The following RICTOR variants were observed in gnomAD, a reference collection of about 807,000 sequenced individuals.
The protein encoded by RICTOR is RPTOR independent companion of MTOR complex 2, also known as rapamycin-insensitive companion of mTOR.
In RICTOR, 49 loss-of-function variants were observed where a neutral mutation model predicts 214.9. The observed-to-expected ratio is 0.23, with a 90% CI of 0.18 to 0.29. RICTOR has a LOEUF of 0.29. RICTOR is among the 10% of genes least tolerant of loss of function. The probability of loss-of-function intolerance (pLI) is 1.00; values close to 1 mark genes in which losing one functional copy is unlikely to be tolerated. For missense variants in RICTOR, 1,625 were observed against 2,047.0 expected (o/e 0.79, Z 3.98); for synonymous variants, 717 against 711.3 (o/e 1.01, Z -0.13).
intron 16 of RICTOR, among the ~76,000 whole-genome samples, chr5:38,963,855 C>T (rs772669776): frequency 6.6e-6 from 1 of 151,822 alleles, no homozygotes; most frequent in Non-Finnish European, 1.5e-5. Context: ...AAGCTAAAAG[C>T]TACTATTACT....
At chr5:39,015,404 T>G (rs1754868172) in intron 3 of RICTOR, among the ~76,000 whole-genome samples, 1 of 151,660 alleles carries the variant, frequency 6.6e-6, no homozygotes, top group African/African-American at 2.4e-5. Context: ...GCTGCATATT[T>G]GAATAAATTT....
chr5:39,013,706 A>AAC (rs764205455), intron 3 of RICTOR, among the ~76,000 whole-genome samples: 1 of 151,766 alleles, frequency 6.6e-6, no homozygotes, highest in African/African-American at 2.4e-5. Flanking sequence ...TTTAGACACA[A>AAC]ACACACACAC....
intron 3 of RICTOR, among the ~76,000 whole-genome samples, chr5:39,016,776 T>C (rs933987707): frequency 2.0e-5 from 3 of 152,156 alleles, no homozygotes; most frequent in Admixed American, 2.0e-4. Flanking sequence ...TCCAATGTGG[T>C]TAGTAGATAC....
At chr5:38,985,645 T>C (rs955159759) in intron 7 of RICTOR, among the ~76,000 whole-genome samples, 1 of 152,084 alleles carries the variant, frequency 6.6e-6, no homozygotes, top group African/African-American at 2.4e-5. Flanking sequence ...TGTTCCCCAC[T>C]GGCCCCAGTT....
In RICTOR at chr5:38,979,956, A is replaced by AT. The variant is rs146699795; in HGVS notation, c.754-1307dup. 6.9e-3 allele frequency among the ~76,000 whole-genome samples: 1,057 copies of AT among 152,134 alleles called. 53 individuals are homozygous for AT. In the East Asian group the frequency reaches 0.12, roughly 18 times the overall value. On this transcript the variant is annotated intron_variant, in intron 8 of 37. Coordinates refer to ENST00000357387, the MANE Select transcript of RICTOR (RefSeq NM_152756.5). Reference sequence around the variant, plus strand: ...TCTGTGCTTTACTGTGTGTATTAACATTATTTTTGTTTTACCCTTGGATAT... The same window carrying AT: ...TCTGTGCTTTACTGTGTGTATTAACATTTATTTTTGTTTTACCCTTGGATAT...
Position 38,964,784 on chromosome 5 carries a change from ATACT to A in RICTOR, c.1400+4_1400+7del. ...AAACAAAAGCTTTGCTAAAGCTCTG[ATACT>A]TACAGTCTCTTTTCCTTGGGGATAT... On this transcript the variant is annotated splice_donor_5th_base_variant and intron_variant, in intron 16 of 37. Coordinates refer to ENST00000357387, the MANE Select transcript of RICTOR (RefSeq NM_152756.5). 2 of 1,457,950 alleles carry A rather than the reference ATACT, an allele frequency of 1.4e-6. No homozygotes were observed. Among genetic ancestry groups the A allele is most frequent in the Non-Finnish European group, 1.9e-6 (2 of 1,048,904 alleles). The allele number at this position is 1,457,950 out of a possible 1,614,324, so 90.3% of individuals were successfully genotyped here.
At chr5:39,026,682 T>A (rs1410972351) in intron 2 of RICTOR, among the ~76,000 whole-genome samples, 1 of 151,778 alleles carries the variant, frequency 6.6e-6, no homozygotes, top group East Asian at 2.0e-4. Flanking sequence ...CTGTAGATAC[T>A]CTGTGGTATT....
intron 7 of RICTOR, among the ~76,000 whole-genome samples, chr5:38,990,631 A>G (rs1478165236): frequency 9.8e-6 from 1 of 101,980 alleles, no homozygotes. Context: ...TATGATATAT[A>G]TATCTGACAT....
In RICTOR at chr5:38,941,237, C is replaced by T. The variant is rs1159490403; in HGVS notation, c.*1067G>A. On this transcript the variant is annotated 3_prime_UTR_variant, in exon 38 of 38. Coordinates refer to ENST00000357387, the MANE Select transcript of RICTOR (RefSeq NM_152756.5). ...ATTTAGTTTGTGCAAAACAAAAACACTGATATAAAAATTAAGTTACTGCTG... is the reference window on the plus strand; with the variant it reads ...ATTTAGTTTGTGCAAAACAAAAACATTGATATAAAAATTAAGTTACTGCTG... 4.3e-6 allele frequency: 1 copy of T among 232,576 alleles called. No individual in the cohort carries two copies. Among genetic ancestry groups the T allele is most frequent in the Non-Finnish European group, 8.5e-6 (1 of 117,482 alleles). The allele number at this position is 232,576 out of a possible 1,614,324, so 14.4% of individuals were successfully genotyped here. A position where few individuals can be genotyped will look rare whatever the true frequency, so the allele number is the denominator to read the frequency against.
chr5:38,958,891 G>C lies in RICTOR; in HGVS notation c.2179-60C>G, dbSNP rs139068886. On this transcript the variant is annotated intron_variant, in intron 22 of 37. Transcript: ENST00000357387. ...AAACTTCAGCATAAATAGCCTATTT[G>C]ATTTTATTTTGGGATAGTCCTGCTA... 3.5e-4 allele frequency: 423 copies of C among 1,213,452 alleles called. 5 individuals are homozygous for C. The highest frequency in any genetic ancestry group is 2.2e-3 in the East Asian group (81 of 36,626). 75.2% of individuals were successfully genotyped at this position (1,213,452 alleles called of 1,614,324 possible). A position where few individuals can be genotyped will look rare whatever the true frequency, so the allele number is the denominator to read the frequency against.
At chr5:38,952,713 G>T (rs1748900279) in intron 29 of RICTOR, among the ~76,000 whole-genome samples, 1 of 151,952 alleles carries the variant, frequency 6.6e-6, no homozygotes. Context: ...ATCTGGAACA[G>T]CTGGGTTACA....
At chr5:38,957,369 G>T (rs982594551) in intron 25 of RICTOR, among the ~76,000 whole-genome samples, 3 of 152,138 alleles carry the variant, frequency 2.0e-5, no homozygotes, top group Admixed American at 6.6e-5. Flanking sequence ...GATAAACAGG[G>T]CCAAAAATTA....
Position 38,942,262 on chromosome 5 carries a change from G to A in RICTOR, c.*42C>T. On this transcript the variant is annotated 3_prime_UTR_variant, in exon 38 of 38. Coordinates refer to ENST00000357387, the MANE Select transcript of RICTOR (RefSeq NM_152756.5). ...AGGCTTTTAGGAAATCCACAAATATGAATATATATAGTATGTATCTATATC... is the reference window on the plus strand; with the variant it reads ...AGGCTTTTAGGAAATCCACAAATATAAATATATATAGTATGTATCTATATC... The A allele has an allele frequency of 1.7e-6, 2 of 1,177,630 alleles. No individual in the cohort carries two copies. The highest frequency in any genetic ancestry group is 2.5e-6 in the Non-Finnish European group (2 of 815,742). 72.9% of individuals were successfully genotyped at this position (1,177,630 alleles called of 1,614,324 possible). A position where few individuals can be genotyped will look rare whatever the true frequency, so the allele number is the denominator to read the frequency against.
chr5:39,057,678 G>A (rs1341687584), intron 2 of RICTOR, among the ~76,000 whole-genome samples: 2 of 151,912 alleles, frequency 1.3e-5, no homozygotes, highest in Admixed American at 6.6e-5. Context: ...TATTCTTTTG[G>A]TAGCTAATAA....
At chr5:39,060,160 G>C (rs1758446659) in intron 2 of RICTOR, among the ~76,000 whole-genome samples, 1 of 151,998 alleles carries the variant, frequency 6.6e-6, no homozygotes, top group Non-Finnish European at 1.5e-5. Flanking sequence ...TCCATATCAA[G>C]TCATACTTCA....
chr5:39,043,046 A>G (rs1757273855), intron 2 of RICTOR, among the ~76,000 whole-genome samples: 1 of 152,202 alleles, frequency 6.6e-6, no homozygotes, highest in African/African-American at 2.4e-5. Context: ...GCCATTATAG[A>G]AAATAGTATA....
At position 38,967,353 on chromosome 5, in the gene RICTOR, G is replaced by A; in HGVS notation, c.1135C>T (p.His379Tyr). The A allele has an allele frequency of 1.9e-6, 3 of 1,613,540 alleles. No homozygotes were observed. Among genetic ancestry groups the A allele is most frequent in the Non-Finnish European group, 2.5e-6 (3 of 1,179,610 alleles). The change falls in exon 13 of 38, where the codon CAT (histidine) becomes TAT (tyrosine). Residue 379 changes from histidine (H) to tyrosine (Y), a missense_variant. His to Tyr is a moderately conservative substitution (Grantham distance 83). Transcript: ENST00000357387. ...VAAEAKTILPHRARSRPDLMD... is the reference protein window; with the variant it reads ...VAAEAKTILPYRARSRPDLMD... ...AAATTCTACCTGGATCTGGCACGAT[G>A]AGGAAGAATAGTTTTTGCCTCAGCT... is the stretch of plus-strand genomic sequence containing the variant.
At chr5:39,069,888 C>A (rs16868073) in intron 2 of RICTOR, among the ~76,000 whole-genome samples, 4,754 of 152,292 alleles carry the variant, frequency 0.031, 127 homozygotes, top group South Asian at 0.082. Flanking sequence ...CTTCTCTGAT[C>A]CTTTTACCCA....
chr5:38,961,772 C>CTAAG (rs991869840), intron 19 of RICTOR, among the ~76,000 whole-genome samples: 28 of 152,198 alleles, frequency 1.8e-4, no homozygotes, highest in African/African-American at 6.3e-4. Context: ...CTCAAACATA[C>CTAAG]TAAGGACCTC....
Sources: allele counts gnomAD v4.1 joint callset (sites outside exome capture counted in the v4.1 genomes callset), GRCh38; gene constraint gnomAD v4.1.1; transcripts MANE v1.5; gene names NCBI Gene and HGNC (gene_info 2026-07-23, HGNC 2026-07-21).